AXDND1: variants seen among roughly 807,000 people sequenced by gnomAD.
AXDND1 encodes axonemal dynein light chain domain containing 1, also known as axonemal dynein light chain domain-containing protein 1.
AXDND1 carries 110 observed loss-of-function variants against 137.5 expected under a neutral mutation model. That is an observed-to-expected ratio of 0.80 (90% confidence interval 0.69 to 0.94). The LOEUF (loss-of-function observed/expected upper bound fraction) is 0.94, where lower values mean the gene tolerates loss of function less well. Ranked by LOEUF, AXDND1 falls within the 40% of genes least tolerant of loss-of-function variation. The pLI, the probability that AXDND1 is intolerant of heterozygous loss-of-function variation, is 0.00. For synonymous variants in AXDND1, 414 were observed against 399.7 expected, an observed-to-expected ratio of 1.04 and a Z score of -0.43; for missense variants, 1,191 against 1,169.8, an observed-to-expected ratio of 1.02 and a Z score of -0.26.
Position 179,430,572 on chromosome 1 carries a change from A to G in AXDND1, c.1453A>G (p.Lys485Glu), listed in dbSNP as rs748507667. The change falls in exon 14 of 26, where the codon AAG (lysine) becomes GAG (glutamate). Residue 485 changes from lysine (K) to glutamate (E), a missense_variant. Physicochemically the swap from Lys to Glu is moderately conservative, Grantham distance 56. Coordinates refer to ENST00000367618, the MANE Select transcript of AXDND1 (RefSeq NM_144696.6). The stretch of plus-strand genomic sequence containing the variant: ...TACAAGCGAGACACTGAAAATTGTT[A>G]AGGATGGGCTTATCAAATGGCAGGA... ...ESTSETLKIV[K>E]DGLIKWQEFF... The G allele has an allele frequency of 6.2e-7, 1 of 1,613,586 alleles. No homozygotes were observed. The highest frequency in any genetic ancestry group is 1.7e-5 in the Admixed American group (1 of 59,788).
At chr1:179,469,625 A>G (rs188363212) in intron 17 of AXDND1, among the ~76,000 whole-genome samples, 1 of 152,332 alleles carries the variant, frequency 6.6e-6, no homozygotes, top group East Asian at 1.9e-4. Flanking sequence ...TGGAAAACCT[A>G]CACAATTTTA....
chr1:179,424,914 G>A (rs139414930), intron 12 of AXDND1, among the ~76,000 whole-genome samples: 191 of 152,060 alleles, frequency 1.3e-3, no homozygotes, highest in African/African-American at 4.6e-3. Context: ...CAATCTCTTT[G>A]TTACATTTCT....
At chr1:179,421,783 A>G (rs1212045198) in intron 12 of AXDND1, among the ~76,000 whole-genome samples, 2 of 152,056 alleles carry the variant, frequency 1.3e-5, no homozygotes, top group East Asian at 3.9e-4. Context: ...CACACCTGTT[A>G]TCGTAGCACT....
At chr1:179,432,485 G>A (rs1657532677) in intron 15 of AXDND1, 143 bp downstream of exon 15, 5 of 1,208,674 alleles carry the variant, frequency 4.1e-6, no homozygotes, top group Non-Finnish European at 5.5e-6. Flanking sequence ...GAGCGCAGTA[G>A]TGTGATCTTG....
intron 16 of AXDND1, 148 bp downstream of exon 16, chr1:179,445,352 T>A: frequency 1.7e-6 from 1 of 601,130 alleles, no homozygotes; most frequent in South Asian, 2.6e-5. Context: ...GAGCATCACT[T>A]TGAGATATAA....
chr1:179,520,438 C>T (rs565339344), intron 21 of AXDND1, among the ~76,000 whole-genome samples: 1 of 151,944 alleles, frequency 6.6e-6, no homozygotes, highest in Non-Finnish European at 1.5e-5. Context: ...ACTTATTCTT[C>T]CTTTTATTTA....
rs1353420248 is a variant in AXDND1 at position 179,486,135 on chromosome 1, A to AC, written c.2091+2914_2091+2915insC. 1.5e-4 allele frequency among the ~76,000 whole-genome samples: 18 copies of AC among 119,014 alleles called. 3 individuals carry two copies. Among genetic ancestry groups the AC allele is most frequent in the South Asian group, 3.1e-4 (1 of 3,224 alleles). The allele number at this position is 119,014 out of a possible 152,430, so 78.1% of individuals were successfully genotyped here. On this transcript the variant is annotated intron_variant, in intron 18 of 25. Coordinates refer to ENST00000367618, the MANE Select transcript of AXDND1 (RefSeq NM_144696.6). ...ACTCTGTCTCAAAAAAAAAAAAAAA[A>AC]AAAAAACCTGATAGAAATGAAAAAC...
intron 12 of AXDND1, among the ~76,000 whole-genome samples, chr1:179,421,367 C>CTTTTTTTTTTTTTTTTTTTTTT (rs199703017): frequency 1.9e-5 from 2 of 107,210 alleles, no homozygotes; most frequent in African/African-American, 4.1e-5. Flanking sequence ...TTTTCTTTTC[C>CTTTTTTTTTTTTTTTTTTTTTT]TTTTTTTTTT....
chr1:179,419,556 T>A (rs1655331424), intron 12 of AXDND1, among the ~76,000 whole-genome samples: 1 of 145,876 alleles, frequency 6.9e-6, no homozygotes, highest in African/African-American at 2.5e-5. Context: ...TGAGCCGAGA[T>A]GGCAGCAGTA....
chr1:179,389,750 T>C (rs1325280797), intron 9 of AXDND1, among the ~76,000 whole-genome samples: 2 of 152,230 alleles, frequency 1.3e-5, no homozygotes, highest in Admixed American at 1.3e-4. Context: ...TGTTCTCTTA[T>C]GGATCTAGTT....
chr1:179,445,188 A>C lies in AXDND1; in HGVS notation c.1782A>C (p.Arg594Ser). 1 of 1,580,130 alleles carries C rather than the reference A, an allele frequency of 6.3e-7. No individual in the cohort carries two copies. The highest frequency in any genetic ancestry group is 8.6e-7 in the Non-Finnish European group (1 of 1,157,588). The change falls in exon 16 of 26, where the codon AGA becomes AGC. Residue 594 changes from arginine (R) to serine (S), a missense_variant. Transcript: ENST00000367618. Reference protein sequence around the residue: ...IQKLYKEYEIRINGDNGYSKI... With the variant: ...IQKLYKEYEISINGDNGYSKI... ...AACTCTACAAAGAATATGAAATAAG[A>C]ATAAATGGGGACAATGGTAAGAAAA...
intron 25 of AXDND1, among the ~76,000 whole-genome samples, chr1:179,542,940 C>T (rs1488287171): frequency 2.0e-5 from 3 of 152,190 alleles, no homozygotes; most frequent in East Asian, 1.9e-4. Flanking sequence ...CTCCTACTCA[C>T]GGCAGTCCCT....
chr1:179,421,542 C>A (rs1655737090), intron 12 of AXDND1, among the ~76,000 whole-genome samples: 2 of 151,542 alleles, frequency 1.3e-5, no homozygotes, highest in Admixed American at 1.3e-4. Flanking sequence ...CACCACCATG[C>A]CTGGCTAATT....
intron 23 of AXDND1, among the ~76,000 whole-genome samples, chr1:179,531,751 T>G (rs1283629105): frequency 2.0e-5 from 3 of 152,006 alleles, no homozygotes; most frequent in Non-Finnish European, 4.4e-5. Context: ...GCCATAGAGA[T>G]GCAACCCAAA....
intron 17 of AXDND1, among the ~76,000 whole-genome samples, chr1:179,479,228 G>A (rs1419877937): frequency 1.3e-5 from 2 of 152,168 alleles, no homozygotes; most frequent in Non-Finnish European, 2.9e-5. Flanking sequence ...TGTAATCCCA[G>A]CACTTTGGGA....
intron 16 of AXDND1, among the ~76,000 whole-genome samples, chr1:179,446,520 C>G (rs1455699013): frequency 1.3e-5 from 2 of 152,186 alleles, no homozygotes; most frequent in East Asian, 3.8e-4. Flanking sequence ...TACAGAGATA[C>G]CCATAAACTG....
chr1:179,538,062 A>G (rs370079933), intron 25 of AXDND1, among the ~76,000 whole-genome samples: 7 of 151,770 alleles, frequency 4.6e-5, no homozygotes, highest in Admixed American at 3.9e-4. Context: ...TTTTTATTGC[A>G]TCTATTTGAA....
chr1:179,371,103 A>C (rs996773399), intron 4 of AXDND1, among the ~76,000 whole-genome samples: 15 of 141,320 alleles, frequency 1.1e-4, no homozygotes, highest in African/African-American at 3.7e-4. Flanking sequence ...TTAATTAGCT[A>C]TATCTGAATG....
intron 25 of AXDND1, chr1:179,548,854 CACATT>C (rs1672900754): frequency 6.6e-6 from 1 of 152,224 alleles, no homozygotes. Flanking sequence ...TCAAAGCCTC[CACATT>C]TCTGATGATT....
Sources: allele counts gnomAD v4.1 joint callset (sites outside exome capture counted in the v4.1 genomes callset), GRCh38; gene constraint gnomAD v4.1.1; transcripts MANE v1.5; gene names NCBI Gene and HGNC (gene_info 2026-07-23, HGNC 2026-07-21).